The following GAS6 variants were observed in gnomAD, a reference collection of about 807,000 sequenced individuals.
GAS6 encodes growth arrest-specific protein 6.
In GAS6, 41 loss-of-function variants were observed where a neutral mutation model predicts 75.8. The ratio of observed to expected loss-of-function variants is 0.54; its 90% CI spans 0.42 to 0.70. The LOEUF (loss-of-function observed/expected upper bound fraction) is 0.70. GAS6 is among the 30% of genes least tolerant of loss of function. GAS6 has a pLI of 0.00. For synonymous variants in GAS6, 432 were observed against 412.6 expected (o/e 1.05, Z -0.57); for missense variants, 854 against 940.2 (o/e 0.91, Z 1.20).
In GAS6 at chr13:113,852,475, G is replaced by A. The variant is rs141653009; in HGVS notation, c.256-4425C>T. 4.5e-3 allele frequency among the ~76,000 whole-genome samples: 680 copies of A among 152,302 alleles called. 3 individuals carry two copies. Among genetic ancestry groups the A allele is most frequent in the African/African-American group, 0.016 (648 of 41,558 alleles). ...TGGAGGGAGCTGAGCCCCAGGACAG[G>A]AGCCTGGTCTGGCTGGGGTCTAACA... is the stretch of plus-strand genomic sequence containing the variant. On this transcript the variant is annotated intron_variant, in intron 2 of 14. Coordinates refer to ENST00000327773, the MANE Select transcript of GAS6 (RefSeq NM_000820.4).
intron 7 of GAS6, 81 bp from the exon 8 acceptor site, chr13:113,834,753 A>G (rs1464780073): frequency 1.5e-5 from 20 of 1,319,816 alleles, no homozygotes; most frequent in Non-Finnish European, 2.0e-5. Flanking sequence ...GATTGCTCAA[A>G]CCACACGCAA....
chr13:113,862,131 C>T (rs1039282935), intron 2 of GAS6, among the ~76,000 whole-genome samples: 1 of 152,214 alleles, frequency 6.6e-6, no homozygotes, highest in Admixed American at 6.5e-5. Context: ...AGGTAGGGGA[C>T]TGACTTGGGA....
At chr13:113,861,084 G>C (rs943575960) in intron 2 of GAS6, among the ~76,000 whole-genome samples, 1 of 151,630 alleles carries the variant, frequency 6.6e-6, no homozygotes, top group Non-Finnish European at 1.5e-5. Flanking sequence ...GGTGCTTCCG[G>C]GAAGAAGGCG....
intron 2 of GAS6, among the ~76,000 whole-genome samples, chr13:113,854,547 CA>C (rs1392698720): frequency 6.6e-6 from 1 of 152,264 alleles, no homozygotes; most frequent in African/African-American, 2.4e-5. Context: ...CAGCCCCCAG[CA>C]GGGTGTCCTG....
intron 3 of GAS6, 179 bp downstream of exon 3, chr13:113,847,847 T>C (rs1594206311): frequency 1.5e-6 from 1 of 666,772 alleles, no homozygotes; most frequent in Non-Finnish European, 2.7e-6. Flanking sequence ...AGCTGTGGTA[T>C]AAAATAAAGA....
chr13:113,828,824 G>A (rs1309147220), intron 10 of GAS6, 113 bp from the exon 11 acceptor site: 11 of 1,180,760 alleles, frequency 9.3e-6, no homozygotes, highest in Admixed American at 4.5e-5. Context: ...CGACCTCGGG[G>A]AGGCCACCTG....
chr13:113,846,016 T>C (rs1224611378), intron 4 of GAS6, among the ~76,000 whole-genome samples: 3 of 152,208 alleles, frequency 2.0e-5, no homozygotes, highest in South Asian at 2.1e-4. Context: ...ATGATGGAAA[T>C]TGGAAATAAC....
chr13:113,826,749 C>T (rs71437250), intron 12 of GAS6, among the ~76,000 whole-genome samples: 3,577 of 123,174 alleles, frequency 0.029, 285 homozygotes, highest in South Asian at 0.11. Flanking sequence ...TTCGCAGGCA[C>T]CTTCTCGGCA....
intron 11 of GAS6, 116 bp from the exon 12 acceptor site, chr13:113,827,280 C>T (rs571718127): frequency 1.6e-5 from 16 of 992,878 alleles, no homozygotes; most frequent in African/African-American, 6.5e-5. Flanking sequence ...ACGGCAGAAA[C>T]GGGCCAGTCC....
At chr13:113,840,005 T>A in intron 4 of GAS6, 155 bp from the exon 5 acceptor site, 1 of 1,070,730 alleles carries the variant, frequency 9.3e-7, no homozygotes, top group Non-Finnish European at 1.4e-6. Flanking sequence ...CCGAGCCCTC[T>A]GTGCTGGCCT....
Position 113,863,349 on chromosome 13 carries a change from C to T in GAS6, c.255+226G>A, listed in dbSNP as rs1480479213. On this transcript the variant is annotated intron_variant, in intron 2 of 14. Transcript: ENST00000327773. This position sits in a 1 kb window ranked among gnomAD's most constrained non-coding sequence, Gnocchi z 9.4. ...TTCCCCGCGGGGAGGCGTCTGACAGCGAGCGTTTCCCGGACAGCCCCGCAG... is the reference window on the plus strand; with the variant it reads ...TTCCCCGCGGGGAGGCGTCTGACAGTGAGCGTTTCCCGGACAGCCCCGCAG... Among the ~76,000 whole-genome samples, 4 of 152,250 alleles carry T rather than the reference C, an allele frequency of 2.6e-5. No homozygotes were observed. The highest frequency in any genetic ancestry group is 5.9e-5 in the Non-Finnish European group (4 of 67,988).
chr13:113,831,208 C>T (rs969749604), intron 10 of GAS6, among the ~76,000 whole-genome samples: 1 of 152,226 alleles, frequency 6.6e-6, no homozygotes, highest in Admixed American at 6.5e-5. Flanking sequence ...CTGACCAGGA[C>T]CCCTCAGGTT....
At chr13:113,851,082 GATGGATGAGTGGGTGGATGAAAGA>G (rs931287051) in intron 2 of GAS6, among the ~76,000 whole-genome samples, 1 of 151,884 alleles carries the variant, frequency 6.6e-6, no homozygotes, top group African/African-American at 2.4e-5. Flanking sequence ...TGAATGAGTG[GATGGATGAGTGGGTGGATGAAAGA>G]ATGAATGAGT....
At chr13:113,859,127 T>C (rs1474195290) in intron 2 of GAS6, among the ~76,000 whole-genome samples, 1 of 150,170 alleles carries the variant, frequency 6.7e-6, no homozygotes, top group Non-Finnish European at 1.5e-5. Context: ...GCTGTGTGCT[T>C]ACATATGTCT....
At position 113,863,486 on chromosome 13, in the gene GAS6, G is replaced by A. The variant is rs555885124; in HGVS notation, c.255+89C>T. 8 of 1,306,300 alleles carry A rather than the reference G, an allele frequency of 6.1e-6. No individual in the cohort carries two copies. Among genetic ancestry groups the A allele is most frequent in the Admixed American group, 3.5e-5 (1 of 28,312 alleles). 80.9% of individuals were successfully genotyped at this position (1,306,300 alleles called of 1,614,324 possible). On this transcript the variant is annotated intron_variant, in intron 2 of 14. Coordinates refer to ENST00000327773, the MANE Select transcript of GAS6 (RefSeq NM_000820.4). This position sits in a 1 kb window ranked among gnomAD's most constrained non-coding sequence, Gnocchi z 9.4. ...AGGCCAGGCCTCGCCGCGCGGAGCTGGGGGGCGGCAGCAGCGCTGCCTCTC... is the reference window on the plus strand; with the variant it reads ...AGGCCAGGCCTCGCCGCGCGGAGCTAGGGGGCGGCAGCAGCGCTGCCTCTC...
chr13:113,846,443 C>CAGG, intron 4 of GAS6, 84 bp downstream of exon 4: 1 of 1,170,736 alleles, frequency 8.5e-7, no homozygotes, highest in Non-Finnish European at 1.3e-6. Context: ...CAGAACTATT[C>CAGG]AGGGCCCTCC....
intron 10 of GAS6, 40 bp from the exon 11 acceptor site, chr13:113,828,751 C>T (rs74118432): frequency 0.037 from 59,711 of 1,596,504 alleles, 2,940 homozygotes; most frequent in African/African-American, 0.24. Flanking sequence ...TGGGAGTGCA[C>T]GTTCTGAAGG....
Position 113,864,037 on chromosome 13 carries a change from C to T in GAS6, c.-117G>A. ...GGCCCTGAAGGTCACATCGCGGCGG[C>T]GGCGGCGGCGGCGGCTGCGGCACCT... is the stretch of plus-strand genomic sequence containing the variant. On this transcript the variant is annotated 5_prime_UTR_variant, in exon 1 of 15. Transcript: ENST00000327773. 3 of 964,492 alleles carry T rather than the reference C, an allele frequency of 3.1e-6. No homozygotes were observed. Among genetic ancestry groups the T allele is most frequent in the Non-Finnish European group, 3.7e-6 (3 of 807,534 alleles). The allele number at this position is 964,492 out of a possible 1,614,324, so 59.7% of individuals were successfully genotyped here.
chr13:113,843,876 G>C (rs1010086290), intron 4 of GAS6: 1 of 151,210 alleles, frequency 6.6e-6, no homozygotes, highest in Non-Finnish European at 1.5e-5. Flanking sequence ...TGAGCACCAA[G>C]TCAGAGAATT....
Sources: gnomAD v4.1 joint callset for allele counts (sites outside exome capture counted in the v4.1 genomes callset) on GRCh38, gnomAD v4.1.1 for gene constraint, Gnocchi (gnomAD v3.1) non-coding constraint, MANE v1.5 for transcripts, NCBI Gene and HGNC (gene_info 2026-07-23, HGNC 2026-07-21) for gene names.